FAM20A: variants seen among roughly 807,000 people sequenced by gnomAD.
FAM20A encodes the protein pseudokinase FAM20A.
Under a neutral mutation model 52.0 loss-of-function variants are expected in FAM20A, and 42 were observed. The ratio of observed to expected loss-of-function variants is 0.81; its 90% CI spans 0.63 to 1.04. The LOEUF (loss-of-function observed/expected upper bound fraction) is 1.04, where lower values mean the gene tolerates loss of function less well. Among genes scored for constraint, FAM20A ranks in the 50% least tolerant of loss-of-function variants. The pLI is 0.00. For synonymous variants in FAM20A, 304 were observed against 298.9 expected (o/e 1.02, Z -0.18); for missense variants, 742 against 712.7 (o/e 1.04, Z -0.47).
intron 1 of FAM20A, among the ~76,000 whole-genome samples, chr17:68,593,319 G>A (rs1038706334): frequency 1.3e-5 from 2 of 152,242 alleles, no homozygotes; most frequent in East Asian, 3.8e-4. Flanking sequence ...GGGCAGAGCA[G>A]GGATAGCTTT....
chr17:68,541,126 C>T (rs957169153), intron 7 of FAM20A, 168 bp from the exon 8 acceptor site: 5 of 928,080 alleles, frequency 5.4e-6, no homozygotes, highest in Admixed American at 2.5e-5. Flanking sequence ...CGTAAGGCTG[C>T]ATATTCCGTG....
intron 3 of FAM20A, among the ~76,000 whole-genome samples, chr17:68,554,071 T>TAC (rs969319493): frequency 7.8e-6 from 1 of 128,812 alleles, no homozygotes; most frequent in African/African-American, 2.9e-5. Flanking sequence ...TACACACATA[T>TAC]ACACACATAT....
chr17:68,541,080 A>C, intron 7 of FAM20A, 122 bp from the exon 8 acceptor site: 1 of 1,464,564 alleles, frequency 6.8e-7, no homozygotes, highest in South Asian at 1.3e-5. Context: ...GGCTGGTGGC[A>C]GCTTCTAAAA....
At chr17:68,562,611 T>TCC (rs556263514) in intron 1 of FAM20A, among the ~76,000 whole-genome samples, 2,360 of 149,258 alleles carry the variant, frequency 0.016, 64 homozygotes, top group African/African-American at 0.055. Context: ...TCCTTTTCCA[T>TCC]CCCCCCCCCT....
chr17:68,557,361 C>G (rs1049714427), intron 1 of FAM20A, among the ~76,000 whole-genome samples: 2 of 151,962 alleles, frequency 1.3e-5, no homozygotes, highest in African/African-American at 4.8e-5. Context: ...ATTTTAACTT[C>G]CAAGGTGATG....
At chr17:68,590,413 C>CT (rs890635177) in intron 1 of FAM20A, 1 of 152,084 alleles carries the variant, frequency 6.6e-6, no homozygotes, top group African/African-American at 2.4e-5. Context: ...GTTGAGACCT[C>CT]TTTTTTCAGG....
chr17:68,539,254 G>A (rs1330957245), intron 10 of FAM20A, 83 bp downstream of exon 10: 1 of 1,394,426 alleles, frequency 7.2e-7, no homozygotes. Flanking sequence ...GTGAAAACTG[G>A]AAGCCCTTCA....
rs1277919715 is a variant in FAM20A at position 68,536,640 on chromosome 17, G to C, written c.*837C>G. On this transcript the variant is annotated 3_prime_UTR_variant, in exon 11 of 11. Coordinates refer to ENST00000592554, the MANE Select transcript of FAM20A (RefSeq NM_017565.4). ...TTAGGGAAGAAGATTGTGGTTGGTG[G>C]GCTGTAGTCAGCCTTGGCTCTTTTC... is the stretch of plus-strand genomic sequence containing the variant. 2 of 452,324 alleles carry C rather than the reference G, an allele frequency of 4.4e-6. No homozygotes were observed. Among genetic ancestry groups the C allele is most frequent in the South Asian group, 3.1e-5 (2 of 64,222 alleles). The allele number at this position is 452,324 out of a possible 1,614,324, so 28.0% of individuals were successfully genotyped here. A position where few individuals can be genotyped will look rare whatever the true frequency, so the allele number is the denominator to read the frequency against.
chr17:68,590,547 G>A (rs908348133), intron 1 of FAM20A, among the ~76,000 whole-genome samples: 5 of 152,132 alleles, frequency 3.3e-5, no homozygotes, highest in East Asian at 1.9e-4. Flanking sequence ...GACCAAAGTC[G>A]CTTTAAAAGA....
At chr17:68,584,348 A>AAAACAAAACAAAAC (rs1491466615) in intron 1 of FAM20A, among the ~76,000 whole-genome samples, 1,148 of 21,898 alleles carry the variant, frequency 0.052, 15 homozygotes, top group African/African-American at 0.14. Context: ...AAAACAAAAC[A>AAAACAAAACAAAAC]AAAAAAAAAC....
chr17:68,572,356 T>G (rs2087587798), intron 1 of FAM20A, among the ~76,000 whole-genome samples: 1 of 152,142 alleles, frequency 6.6e-6, no homozygotes, highest in Non-Finnish European at 1.5e-5. Flanking sequence ...GACAGGCAAT[T>G]GTGCAATTCA....
chr17:68,540,550 G>C (rs746180031), intron 8 of FAM20A: 13 of 517,498 alleles, frequency 2.5e-5, no homozygotes, highest in South Asian at 2.0e-4. Context: ...TTCCTACCTG[G>C]TTTCCCCTCA....
chr17:68,537,408 G>A lies in FAM20A; in HGVS notation c.*69C>T, dbSNP rs141008010. ...AGCAGTAACAGGTGGGAGTGAGGAC[G>A]CAGGGTCGGCACTCGAGTCGACTGC... On this transcript the variant is annotated 3_prime_UTR_variant, in exon 11 of 11. Coordinates refer to ENST00000592554, the MANE Select transcript of FAM20A (RefSeq NM_017565.4). The surrounding 1 kb of genome is among the most constrained non-coding windows in gnomAD (Gnocchi z 4.2). 254 of 1,596,080 alleles carry A rather than the reference G, an allele frequency of 1.6e-4. No homozygotes were observed. Among genetic ancestry groups the A allele is most frequent in the African/African-American group, 8.3e-4 (62 of 74,656 alleles).
chr17:68,596,635 G>GAGC (rs1235043726), intron 1 of FAM20A, among the ~76,000 whole-genome samples: 1 of 152,190 alleles, frequency 6.6e-6, no homozygotes, highest in Non-Finnish European at 1.5e-5. Context: ...AAAGGACTAA[G>GAGC]AGCAGCACAA....
chr17:68,541,044 A>G, intron 7 of FAM20A, 86 bp from the exon 8 acceptor site: 1 of 1,540,808 alleles, frequency 6.5e-7, no homozygotes, highest in South Asian at 1.2e-5. Context: ...TGCCCCCCCA[A>G]TCCCTGCCTC....
chr17:68,554,027 T>C (rs1049597487), intron 3 of FAM20A, among the ~76,000 whole-genome samples: 1,899 of 87,264 alleles, frequency 0.022, 37 homozygotes, highest in African/African-American at 0.048. Flanking sequence ...TATATACATA[T>C]ATACACACAT....
intron 1 of FAM20A, among the ~76,000 whole-genome samples, chr17:68,557,861 T>C (rs1419904804): frequency 6.6e-6 from 1 of 152,176 alleles, no homozygotes; most frequent in Non-Finnish European, 1.5e-5. Context: ...AACATGATTT[T>C]ATGGTAAGCA....
intron 1 of FAM20A, among the ~76,000 whole-genome samples, chr17:68,565,895 G>A (rs973681867): frequency 1.3e-5 from 2 of 152,052 alleles, no homozygotes; most frequent in Non-Finnish European, 2.9e-5. Context: ...CCTTCAATAG[G>A]TCCTTGTTGT....
rs1343589107 is a variant in FAM20A at position 68,600,239 on chromosome 17, C to T, written c.404+24G>A. The T allele has an allele frequency of 1.3e-6, 2 of 1,551,002 alleles. No individual in the cohort carries two copies. The highest frequency in any genetic ancestry group is 3.9e-5 in the Admixed American group (2 of 51,610). ...GGCCCCGGCCAGAGCGCCCGCTCTC[C>T]CGCGTCCCGGGCGGGGTCCTCACCT... On this transcript the variant is annotated intron_variant, in intron 1 of 10. Transcript: ENST00000592554. This position sits in a 1 kb window ranked among gnomAD's most constrained non-coding sequence, Gnocchi z 6.2.
Sources: allele counts gnomAD v4.1 joint callset (sites outside exome capture counted in the v4.1 genomes callset), GRCh38; gene constraint gnomAD v4.1.1; non-coding constraint Gnocchi (gnomAD v3.1); transcripts MANE v1.5; gene names NCBI Gene and HGNC (gene_info 2026-07-23, HGNC 2026-07-21).